The following FER variants were observed in gnomAD, a reference collection of about 807,000 sequenced individuals.
FER encodes the protein tyrosine-protein kinase Fer.
A neutral mutation model predicts 111.0 loss-of-function variants in FER; 63 were observed. That is an observed-to-expected ratio of 0.57 (90% confidence interval 0.46 to 0.70). The LOEUF (loss-of-function observed/expected upper bound fraction) is 0.70. Among genes scored for constraint, FER ranks in the 30% least tolerant of loss-of-function variants. The pLI is 0.00. For synonymous variants in FER, 327 were observed against 313.9 expected (o/e 1.04, Z -0.44); for missense variants, 914 against 954.0 (o/e 0.96, Z 0.55).
At position 108,763,799 on chromosome 5, in the gene FER, CA is replaced by C. The variant is rs1752015483; in HGVS notation, c.-205-4293del. Among the ~76,000 whole-genome samples, 3 of 152,288 alleles carry C rather than the reference CA, an allele frequency of 2.0e-5. No homozygotes were observed. In the South Asian group the frequency reaches 6.2e-4, roughly 32 times the overall value. On this transcript the variant is annotated intron_variant, in intron 1 of 19. Coordinates refer to ENST00000281092, the MANE Select transcript of FER (RefSeq NM_005246.4). ...TCCCAGCAGTAATTCTGAATTCCAG[CA>C]GCTATATCTATTTACATCTGAACTC...
intron 13 of FER, among the ~76,000 whole-genome samples, chr5:109,015,177 G>C (rs115180938): frequency 0.011 from 1,597 of 152,032 alleles, 24 homozygotes; most frequent in African/African-American, 0.036. Context: ...TAGTAATATG[G>C]CTTTTTTATT....
At chr5:108,944,099 G>A (rs919905088) in intron 10 of FER, among the ~76,000 whole-genome samples, 7 of 145,246 alleles carry the variant, frequency 4.8e-5, no homozygotes, top group African/African-American at 1.8e-4. Context: ...TTAGTTTTAT[G>A]TGTATGTGTA....
intron 17 of FER, among the ~76,000 whole-genome samples, chr5:109,117,316 A>G (rs1439784936): frequency 1.3e-5 from 2 of 152,132 alleles, no homozygotes; most frequent in African/African-American, 2.4e-5. Flanking sequence ...CTACAGAACA[A>G]TAATTCATGT....
rs980866252 is a variant in FER at position 109,193,669 on chromosome 5, A to G, written c.*6094A>G. On this transcript the variant is annotated 3_prime_UTR_variant, in exon 20 of 20. Coordinates refer to ENST00000281092, the MANE Select transcript of FER (RefSeq NM_005246.4). ...GGTGCAGAGAATACTACCAGGTGCTAGTTTTTCCAGTATTTGACTTCTGAT... is the reference window on the plus strand; with the variant it reads ...GGTGCAGAGAATACTACCAGGTGCTGGTTTTTCCAGTATTTGACTTCTGAT... 4.6e-5 allele frequency: 7 copies of G among 152,148 alleles called. No homozygotes were observed. The highest frequency in any genetic ancestry group is 7.3e-5 in the Non-Finnish European group (5 of 68,030). The allele number at this position is 152,148 out of a possible 1,614,324, so 9.4% of individuals were successfully genotyped here.
At chr5:108,868,063 G>T (rs1764250327) in intron 6 of FER, 113 bp downstream of exon 6, 4 of 937,254 alleles carry the variant, frequency 4.3e-6, no homozygotes, top group Middle Eastern at 3.1e-4. Flanking sequence ...AGTCCAGGGG[G>T]TATTTCAGAC....
At chr5:108,767,471 T>G (rs1046688856) in intron 1 of FER, among the ~76,000 whole-genome samples, 4 of 152,200 alleles carry the variant, frequency 2.6e-5, no homozygotes, top group Non-Finnish European at 5.9e-5. Context: ...ATCACTGGCT[T>G]CTTCTGATGG....
Position 109,044,687 on chromosome 5 carries a change from T to C in FER, c.1721T>C (p.Phe574Ser). The part of the protein sequence containing the change: ...ILGELLGKGN[F>S]GEVYKGTLKD... Reference sequence around the variant, plus strand: ...ATGTATTTCTATTTTCAGGGAAATTTTGGTGAAGTATATAAGGGCACATTA... The same window carrying C: ...ATGTATTTCTATTTTCAGGGAAATTCTGGTGAAGTATATAAGGGCACATTA... Residue 574 changes from phenylalanine to serine, a missense_variant, in exon 15 of 20, where the codon TTT becomes TCT. Coordinates refer to ENST00000281092, the MANE Select transcript of FER (RefSeq NM_005246.4). 6.6e-7 allele frequency: 1 copy of C among 1,507,220 alleles called. No homozygotes were observed. The highest frequency in any genetic ancestry group is 9.0e-7 in the Non-Finnish European group (1 of 1,114,824). 93.4% of individuals were successfully genotyped at this position (1,507,220 alleles called of 1,614,324 possible). A position where few individuals can be genotyped will look rare whatever the true frequency, so the allele number is the denominator to read the frequency against.
At chr5:108,878,069 CTAATTTTTTGTATTTTTAT>C (rs1332591196) in intron 8 of FER, among the ~76,000 whole-genome samples, 1 of 151,944 alleles carries the variant, frequency 6.6e-6, no homozygotes, top group Non-Finnish European at 1.5e-5. Context: ...CCATACTTGG[CTAATTTTTTGTATTTTTAT>C]TAGAGATGGG....
At chr5:109,026,720 C>T (rs562572025) in intron 13 of FER, among the ~76,000 whole-genome samples, 1 of 152,138 alleles carries the variant, frequency 6.6e-6, no homozygotes, top group Non-Finnish European at 1.5e-5. Context: ...TTGTTGTTGC[C>T]TGAGCTGGAG....
chr5:109,068,722 G>T (rs922313881), intron 16 of FER, among the ~76,000 whole-genome samples: 1 of 152,118 alleles, frequency 6.6e-6, no homozygotes, highest in African/African-American at 2.4e-5. Context: ...AATGGGAAAA[G>T]AATATAATGC....
intron 10 of FER, among the ~76,000 whole-genome samples, chr5:108,938,553 A>C (rs774501220): frequency 6.6e-6 from 1 of 152,024 alleles, no homozygotes; most frequent in Non-Finnish European, 1.5e-5. Flanking sequence ...GAATTTTGCC[A>C]CAAGGGAGCA....
chr5:109,112,978 C>G (rs1025652036), intron 17 of FER, among the ~76,000 whole-genome samples: 3 of 152,160 alleles, frequency 2.0e-5, no homozygotes, highest in Non-Finnish European at 4.4e-5. Flanking sequence ...TATCCATGCC[C>G]TCTCGAGTCA....
chr5:108,797,464 C>A (rs1375945592), intron 2 of FER, among the ~76,000 whole-genome samples: 1 of 152,162 alleles, frequency 6.6e-6, no homozygotes, highest in Non-Finnish European at 1.5e-5. Flanking sequence ...TGCTCCCTTC[C>A]TGGGTGGGCA....
intron 17 of FER, among the ~76,000 whole-genome samples, chr5:109,113,269 C>T (rs115539035): frequency 0.019 from 2,933 of 152,204 alleles, 50 homozygotes; most frequent in Non-Finnish European, 0.032. Flanking sequence ...CTAGGAACTT[C>T]TGCTTACATA....
chr5:108,919,068 C>T lies in FER; in HGVS notation c.1236+21220C>T, dbSNP rs562773459. 3.7e-3 allele frequency among the ~76,000 whole-genome samples: 559 copies of T among 152,212 alleles called. 4 individuals are homozygous for T. Among genetic ancestry groups the T allele is most frequent in the South Asian group, 6.4e-3 (31 of 4,828 alleles). On this transcript the variant is annotated intron_variant, in intron 10 of 19. Coordinates refer to ENST00000281092, the MANE Select transcript of FER (RefSeq NM_005246.4). Reference sequence around the variant, plus strand: ...AATGTTTATATTTGTGAAATTATAACTCCCACAAGTTATTGAAATCACTTC... The same window carrying T: ...AATGTTTATATTTGTGAAATTATAATTCCCACAAGTTATTGAAATCACTTC...
chr5:109,145,793 C>T (rs1454359403), intron 17 of FER, among the ~76,000 whole-genome samples: 1 of 151,928 alleles, frequency 6.6e-6, no homozygotes, highest in Non-Finnish European at 1.5e-5. Flanking sequence ...ATTGATGTTA[C>T]ATTTCTCAGG....
At chr5:109,005,816 G>C (rs955619929) in intron 13 of FER, among the ~76,000 whole-genome samples, 46 of 152,144 alleles carry the variant, frequency 3.0e-4, no homozygotes, top group African/African-American at 1.1e-3. Flanking sequence ...CTTGTACAGT[G>C]CTTCACACCC....
At chr5:108,774,754 G>A (rs926360235) in intron 2 of FER, among the ~76,000 whole-genome samples, 4 of 147,270 alleles carry the variant, frequency 2.7e-5, no homozygotes, top group South Asian at 4.3e-4. Flanking sequence ...TTTTTTTCTT[G>A]TAAATTTGTT....
intron 2 of FER, among the ~76,000 whole-genome samples, chr5:108,793,626 A>G (rs1755659262): frequency 6.6e-6 from 1 of 151,550 alleles, no homozygotes; most frequent in Non-Finnish European, 1.5e-5. Flanking sequence ...GGTTGTACAC[A>G]TTCCCACCAG....
Sources: gnomAD v4.1 joint callset for allele counts (sites outside exome capture counted in the v4.1 genomes callset) on GRCh38, gnomAD v4.1.1 for gene constraint, MANE v1.5 for transcripts, NCBI Gene and HGNC (gene_info 2026-07-23, HGNC 2026-07-21) for gene names.